Variants in ISL2 observed in about 807,000 individuals in gnomAD.
The protein encoded by ISL2 is ISL LIM homeobox 2.
In ISL2, 17 loss-of-function variants were observed where a neutral mutation model predicts 34.6. That is an observed-to-expected ratio of 0.49 (90% CI 0.34 to 0.74). The LOEUF is 0.74. ISL2 is among the 30% of genes least tolerant of loss of function. The pLI, the probability that ISL2 is intolerant of heterozygous loss-of-function variation, is 0.01. For missense variants in ISL2, 469 were observed against 515.2 expected (o/e 0.91, Z 0.87); for synonymous variants, 232 against 225.5 (o/e 1.03, Z -0.26).
At chr15:76,338,023 C>G in intron 2 of ISL2, 56 bp downstream of exon 2, 10 of 1,406,812 alleles carry the variant, frequency 7.1e-6, no homozygotes, top group Non-Finnish European at 9.3e-6. Context: ...GGGGCCGGGA[C>G]TGGGGATGGC....
intron 3 of ISL2, 86 bp downstream of exon 3, chr15:76,338,600 G>A: frequency 8.0e-7 from 1 of 1,252,014 alleles, no homozygotes; most frequent in Non-Finnish European, 1.0e-6. Flanking sequence ...CTAACGAGAA[G>A]TTGTCAGTTG....
chr15:76,336,847 C>G lies in ISL2; in HGVS notation c.-37C>G, dbSNP rs760405140. The G allele has an allele frequency of 1.3e-6, 2 of 1,593,878 alleles. No homozygotes were observed. On this transcript the variant is annotated 5_prime_UTR_variant, in exon 1 of 6. Coordinates refer to ENST00000290759, the MANE Select transcript of ISL2 (RefSeq NM_145805.3). The stretch of plus-strand genomic sequence containing the variant: ...GGGCGCGCGACCCTCGTCCTTCTGC[C>G]CCTGGCCGCACACTTTGCGCACATC...
chr15:76,338,024 T>C (rs1013439140), intron 2 of ISL2, 57 bp downstream of exon 2: 3 of 1,403,858 alleles, frequency 2.1e-6, no homozygotes, highest in Non-Finnish European at 2.8e-6. Flanking sequence ...GGGCCGGGAC[T>C]GGGGATGGCG....
Position 76,336,796 on chromosome 15 carries a change from GAGTT to G in ISL2, c.-81_-78del, listed in dbSNP as rs2040152758. On this transcript the variant is annotated 5_prime_UTR_variant, in exon 1 of 6. Transcript: ENST00000290759. Reference sequence around the variant, plus strand: ...CTCCTTCAACTCCGCGGGGCAGTAGGAGTTAGTTAGCAAAGAGCCGAGGCCGGGC... The same window carrying G: ...CTCCTTCAACTCCGCGGGGCAGTAGGAGTTAGCAAAGAGCCGAGGCCGGGC... 2 of 1,136,896 alleles carry G rather than the reference GAGTT, an allele frequency of 1.8e-6. No individual in the cohort carries two copies. The highest frequency in any genetic ancestry group is 1.3e-6 in the Non-Finnish European group (1 of 747,284). The allele number at this position is 1,136,896 out of a possible 1,614,324, so 70.4% of individuals were successfully genotyped here.
Position 76,338,499 on chromosome 15 carries a change from G to A in ISL2, c.496G>A (p.Gly166Ser). 7.6e-7 allele frequency: 1 copy of A among 1,316,522 alleles called. No homozygotes were observed. Among genetic ancestry groups the A allele is most frequent in the Non-Finnish European group, 9.6e-7 (1 of 1,039,918 alleles). The allele number at this position is 1,316,522 out of a possible 1,614,324, so 81.6% of individuals were successfully genotyped here. ...CCCCGGCCCGCTTCCCGGCGCCCGCGGCCTGCATCTGCCCGGTAAGCGCGC... is the reference window on the plus strand; with the variant it reads ...CCCCGGCCCGCTTCCCGGCGCCCGCAGCCTGCATCTGCCCGGTAAGCGCGC... ...RSPGPLPGARGLHLPDAGSGR... is the reference protein window; with the variant it reads ...RSPGPLPGARSLHLPDAGSGR... Residue 166 changes from glycine to serine, a missense_variant, in exon 3 of 6, where the codon GGC (glycine) becomes AGC (serine). Gly to Ser is a moderately conservative substitution (Grantham distance 56). This residue lies in a region of ISL2 where 297 missense variants were observed against 337.8 expected (regional missense o/e 0.88). Coordinates refer to ENST00000290759, the MANE Select transcript of ISL2 (RefSeq NM_145805.3).
At chr15:76,339,488 G>A (rs1342673628) in intron 3 of ISL2, 4 of 985,646 alleles carry the variant, frequency 4.1e-6, no homozygotes, top group Non-Finnish European at 4.8e-6. Flanking sequence ...TGGGATCTCG[G>A]AGAGGCTCCC....
At chr15:76,340,593 G>C (rs763827600) in intron 4 of ISL2, 34 bp downstream of exon 4, 1 of 1,582,392 alleles carries the variant, frequency 6.3e-7, no homozygotes, top group Non-Finnish European at 8.6e-7. Flanking sequence ...CTCGAGTCGG[G>C]TGGGGGCTGC....
At chr15:76,340,006 G>C (rs1364074777) in intron 3 of ISL2, 3 of 1,290,488 alleles carry the variant, frequency 2.3e-6, no homozygotes, top group South Asian at 2.2e-5. Context: ...CCTCCCCGCA[G>C]CGGCCTGTCG....
chr15:76,341,876 C>T lies in ISL2; in HGVS notation c.*41C>T. 7.8e-7 allele frequency: 1 copy of T among 1,290,124 alleles called. No individual in the cohort carries two copies. Among genetic ancestry groups the T allele is most frequent in the Non-Finnish European group, 1.1e-6 (1 of 886,656 alleles). 79.9% of individuals were successfully genotyped at this position (1,290,124 alleles called of 1,614,324 possible). On this transcript the variant is annotated 3_prime_UTR_variant, in exon 6 of 6. Transcript: ENST00000290759. ...GCCAGCCCGCGGACCTCGCATGCTC[C>T]CTGCATGAGACTCACCCATGCTCAG...
chr15:76,340,276 A>C lies in ISL2; in HGVS notation c.512A>C (p.Asp171Ala). ...LPGARGLHLP[D>A]AGSGRQPALR... ...CTCTGGCCTCACCCTGTCCTGGCAG[A>C]CGCTGGGTCGGGCCGGCAGCCCGCG... Residue 171 changes from aspartate (D) to alanine (A), a missense_variant and splice_region_variant, in exon 4 of 6, where the codon GAC (aspartate) becomes GCC (alanine). By Grantham distance (126) the Asp-to-Ala change is moderately radical. Coordinates refer to ENST00000290759, the MANE Select transcript of ISL2 (RefSeq NM_145805.3). 1 of 1,598,454 alleles carries C rather than the reference A, an allele frequency of 6.3e-7. No individual in the cohort carries two copies. The highest frequency in any genetic ancestry group is 8.5e-7 in the Non-Finnish European group (1 of 1,174,430).
intron 2 of ISL2, 91 bp from the exon 3 acceptor site, chr15:76,338,161 G>C: frequency 6.9e-7 from 1 of 1,456,528 alleles, no homozygotes; most frequent in Non-Finnish European, 9.0e-7. Context: ...TGGCCACAAA[G>C]TGTCCTGGGC....
chr15:76,338,591 TAACGAG>T, intron 3 of ISL2, 77 bp downstream of exon 3: 1 of 1,259,242 alleles, frequency 7.9e-7, no homozygotes, highest in Non-Finnish European at 1.0e-6. Flanking sequence ...CTTGTGTCCC[TAACGAG>T]AAGTTGTCAG....
intron 3 of ISL2, 40 bp from the exon 4 acceptor site, chr15:76,340,236 C>G (rs931868403): frequency 6.7e-7 from 1 of 1,494,296 alleles, no homozygotes; most frequent in Non-Finnish European, 8.9e-7. Context: ...GGGTGGGTGG[C>G]GGCCCCTCGC....
Position 76,338,317 on chromosome 15 carries a change from C to T in ISL2, c.314C>T (p.Ala105Val). 6.3e-7 allele frequency: 1 copy of T among 1,583,204 alleles called. No homozygotes were observed. Among genetic ancestry groups the T allele is most frequent in the Non-Finnish European group, 8.5e-7 (1 of 1,170,120 alleles). ...GFSSSDLVMR[A>V]RDSVYHIECF... Reference sequence around the variant, plus strand: ...AGCAGCAGCGACCTGGTGATGAGGGCGCGGGACAGCGTGTACCACATCGAG... The same window carrying T: ...AGCAGCAGCGACCTGGTGATGAGGGTGCGGGACAGCGTGTACCACATCGAG... The change falls in exon 3 of 6, where the codon GCG (alanine) becomes GTG (valine). Residue 105 changes from alanine (A) to valine (V), a missense_variant. Physicochemically the swap from Ala to Val is moderately conservative, Grantham distance 64. Transcript: ENST00000290759.
intron 2 of ISL2, 53 bp downstream of exon 2, chr15:76,338,020 G>A (rs2040165196): frequency 2.8e-6 from 4 of 1,436,832 alleles, no homozygotes; most frequent in African/African-American, 1.5e-5. Context: ...GCCGGGGCCG[G>A]GACTGGGGAT....
chr15:76,341,757 C>T lies in ISL2; in HGVS notation c.1002C>T (p.Ser334=), dbSNP rs150905281. The change falls in exon 6 of 6, where the codon TCC becomes TCT. Residue 334 remains serine (S), a synonymous_variant. Transcript: ENST00000290759. ...FSESGSLGNS[S]GSDVTSLSSQ... ...AGTCCGGCTCCCTAGGCAACTCCTC[C>T]GGCAGCGACGTGACCTCCCTGTCCT... 173 of 1,614,014 alleles carry T rather than the reference C, an allele frequency of 1.1e-4. 2 individuals are homozygous for T. In the South Asian group the frequency reaches 1.8e-3, roughly 17 times the overall value.
chr15:76,341,927 C>T lies in ISL2; in HGVS notation c.*92C>T, dbSNP rs2040197538. ...GCCATTCCAGTTCCGAAAGCTCTCT[C>T]GCCTTCGTAATTATTCTATTGTTAT... On this transcript the variant is annotated 3_prime_UTR_variant, in exon 6 of 6. Coordinates refer to ENST00000290759, the MANE Select transcript of ISL2 (RefSeq NM_145805.3). The T allele has an allele frequency of 2.4e-6, 2 of 827,650 alleles. No homozygotes were observed. Among genetic ancestry groups the T allele is most frequent in the Non-Finnish European group, 4.2e-6 (2 of 480,432 alleles). The allele number at this position is 827,650 out of a possible 1,614,324, so 51.3% of individuals were successfully genotyped here.
Position 76,338,251 on chromosome 15 carries a change from G to A in ISL2, c.249-1G>A. ...GACACCGCCGCACCTTGGGCCCGCAGGCTGTTCGGCATCAAGTGCGCCAAG... is the reference window on the plus strand; with the variant it reads ...GACACCGCCGCACCTTGGGCCCGCAAGCTGTTCGGCATCAAGTGCGCCAAG... On this transcript the variant is annotated splice_acceptor_variant, in intron 2 of 5. Coordinates refer to ENST00000290759, the MANE Select transcript of ISL2 (RefSeq NM_145805.3). LOFTEE classifies it high-confidence loss of function. The A allele has an allele frequency of 6.4e-7, 1 of 1,558,700 alleles. No individual in the cohort carries two copies. Among genetic ancestry groups the A allele is most frequent in the Non-Finnish European group, 8.6e-7 (1 of 1,158,322 alleles).
At chr15:76,339,498 C>G in intron 3 of ISL2, 1 of 985,590 alleles carries the variant, frequency 1.0e-6, no homozygotes, top group Non-Finnish European at 1.2e-6. Context: ...GAGAGGCTCC[C>G]CTTTGTTTGT....
Sources: allele counts gnomAD v4.1 joint callset, GRCh38; gene constraint gnomAD v4.1.1; regional missense constraint gnomAD v4.1.1; transcripts MANE v1.5; gene names NCBI Gene and HGNC (gene_info 2026-07-23, HGNC 2026-07-21).